Variants in CPOX observed in about 807,000 individuals in gnomAD.
CPOX encodes coproporphyrinogen oxidase.
CPOX carries 24 observed loss-of-function variants against 48.9 expected under a neutral mutation model. That is an observed-to-expected ratio of 0.49 (90% CI 0.36 to 0.69). The LOEUF is 0.69. Ranked by LOEUF, CPOX falls within the 30% of genes least tolerant of loss-of-function variation. The pLI is 0.00. For synonymous variants in CPOX, 249 were observed against 234.6 expected, an observed-to-expected ratio of 1.06 and a Z score of -0.56; for missense variants, 549 against 597.3, an observed-to-expected ratio of 0.92 and a Z score of 0.84.
chr3:98,580,172 A>G lies in CPOX; in HGVS notation c.*511T>C. The G allele has an allele frequency of 4.1e-6, 4 of 984,016 alleles. No individual in the cohort carries two copies. Among genetic ancestry groups the G allele is most frequent in the Non-Finnish European group, 3.6e-6 (3 of 828,102 alleles). The allele number at this position is 984,016 out of a possible 1,614,324, so 61.0% of individuals were successfully genotyped here. Reference sequence around the variant, plus strand: ...TATTTGACAATATTATGTTCTCTGGAGAAAGATATATAAGGATTACAGCAG... The same window carrying G: ...TATTTGACAATATTATGTTCTCTGGGGAAAGATATATAAGGATTACAGCAG... On this transcript the variant is annotated 3_prime_UTR_variant, in exon 7 of 7. Transcript: ENST00000647941.
intron 6 of CPOX, among the ~76,000 whole-genome samples, 181 bp downstream of exon 6, chr3:98,581,226 T>C (rs968646043): frequency 3.9e-5 from 6 of 152,130 alleles, no homozygotes; most frequent in Admixed American, 3.9e-4. Context: ...GGATTCACCA[T>C]GTCACCGCTT....
chr3:98,575,514 C>T (rs1483389848), downstream of CPOX, among the ~76,000 whole-genome samples: 3 of 152,174 alleles, frequency 2.0e-5, no homozygotes, highest in African/African-American at 4.8e-5. Context: ...ACTTGTAGGC[C>T]GGGCACCGTG....
intron 3 of CPOX, 44 bp downstream of exon 3, chr3:98,590,588 A>C: frequency 7.6e-7 from 1 of 1,317,004 alleles, no homozygotes; most frequent in South Asian, 1.2e-5. Flanking sequence ...TTTAAAATGC[A>C]CATTTTGCAC....
At chr3:98,578,188 T>G (rs1009026089), downstream of CPOX, 4 of 802,780 alleles carry the variant, frequency 5.0e-6, no homozygotes, top group South Asian at 2.3e-4. Context: ...TGAATAACAG[T>G]AGGATAATCT....
chr3:98,574,449 G>A (rs1279205667), downstream of CPOX, among the ~76,000 whole-genome samples: 1 of 152,170 alleles, frequency 6.6e-6, no homozygotes, highest in East Asian at 1.9e-4. Flanking sequence ...AAAGATGAAA[G>A]TAGGTCCTTA....
At chr3:98,580,955 A>T (rs1707247882) in intron 6 of CPOX, among the ~76,000 whole-genome samples, 185 bp from the exon 7 acceptor site, 1 of 152,070 alleles carries the variant, frequency 6.6e-6, no homozygotes, top group African/African-American at 2.4e-5. Context: ...TTGCCAAACA[A>T]ATAGTTTCTT....
chr3:98,593,501 C>T lies in CPOX; in HGVS notation c.4G>A (p.Ala2Thr). The T allele has an allele frequency of 6.6e-7, 1 of 1,521,664 alleles. No homozygotes were observed. The highest frequency in any genetic ancestry group is 8.8e-7 in the Non-Finnish European group (1 of 1,141,166). 94.3% of individuals were successfully genotyped at this position (1,521,664 alleles called of 1,614,324 possible). A position where few individuals can be genotyped will look rare whatever the true frequency, so the allele number is the denominator to read the frequency against. The change falls in exon 1 of 7, where the codon GCC (alanine) becomes ACC (threonine). Residue 2 changes from alanine (A) to threonine (T), a missense_variant. Physicochemically the swap from Ala to Thr is moderately conservative, Grantham distance 58. Transcript: ENST00000647941. The stretch of plus-strand genomic sequence containing the variant: ...GAGCTCAGCCTGCCCAGCTGCAAGG[C>T]CATGTTCCCGCACTATCACCTGGAG... Reference protein sequence around the residue: MALQLGRLSSGP... With the variant: MTLQLGRLSSGP...
At chr3:98,590,384 G>A (rs185826751) in intron 3 of CPOX, 1 of 497,908 alleles carries the variant, frequency 2.0e-6, no homozygotes, top group Non-Finnish European at 3.7e-6. Flanking sequence ...CCTAACCTCA[G>A]GTGATCTGCC....
chr3:98,581,233 G>A (rs979918656), intron 6 of CPOX, among the ~76,000 whole-genome samples, 174 bp downstream of exon 6: 11 of 151,924 alleles, frequency 7.2e-5, no homozygotes, highest in Non-Finnish European at 1.0e-4. Flanking sequence ...CCATGTCACC[G>A]CTTAAAATAC....
In CPOX at chr3:98,580,127, C is replaced by A. The variant is rs1707225411; in HGVS notation, c.*556G>T. 2.1e-6 allele frequency: 2 copies of A among 972,616 alleles called. No homozygotes were observed. The highest frequency in any genetic ancestry group is 1.8e-5 in the African/African-American group (1 of 56,814). The allele number at this position is 972,616 out of a possible 1,614,324, so 60.2% of individuals were successfully genotyped here. A position where few individuals can be genotyped will look rare whatever the true frequency, so the allele number is the denominator to read the frequency against. On this transcript the variant is annotated 3_prime_UTR_variant, in exon 7 of 7. Coordinates refer to ENST00000647941, the MANE Select transcript of CPOX (RefSeq NM_000097.7). ...GATTATTTCAAGTGCTTCTAAATAC[C>A]TATTAGAAAAATGTGTATCTATTTG...
At chr3:98,584,720 A>G (rs1322948659) in intron 5 of CPOX, among the ~76,000 whole-genome samples, 1 of 152,226 alleles carries the variant, frequency 6.6e-6, no homozygotes, top group Non-Finnish European at 1.5e-5. Context: ...GTGGATTTAC[A>G]AGTACACCGT....
At position 98,593,310 on chromosome 3, in the gene CPOX, G is replaced by A. The variant is rs1297358773; in HGVS notation, c.195C>T (p.Gly65=). Reference sequence around the variant, plus strand: ...CCCAGGGGCCGCCTCTCGACGTCGAGCCGTGCCCCAGCCCGCGGCTCTGCT... The same window carrying A: ...CCCAGGGGCCGCCTCTCGACGTCGAACCGTGCCCCAGCCCGCGGCTCTGCT... The part of the protein sequence containing the change: ...GTEQSRGLGH[G]STSRGGPWVG... The change falls in exon 1 of 7, where the codon GGC becomes GGT. Residue 65 remains glycine, a synonymous_variant. Coordinates refer to ENST00000647941, the MANE Select transcript of CPOX (RefSeq NM_000097.7). The A allele has an allele frequency of 1.5e-5, 21 of 1,438,118 alleles. No homozygotes were observed. Among genetic ancestry groups the A allele is most frequent in the Non-Finnish European group, 1.8e-5 (20 of 1,104,148 alleles). 89.1% of individuals were successfully genotyped at this position (1,438,118 alleles called of 1,614,324 possible).
intron 5 of CPOX, among the ~76,000 whole-genome samples, chr3:98,585,117 C>T (rs1396458407): frequency 1.3e-5 from 2 of 152,118 alleles, no homozygotes; most frequent in Admixed American, 6.5e-5. Flanking sequence ...ATTTACAAAG[C>T]AGCAAAGACA....
chr3:98,576,263 G>C (rs1013901281), downstream of CPOX, among the ~76,000 whole-genome samples: 6 of 152,182 alleles, frequency 3.9e-5, no homozygotes, highest in East Asian at 9.6e-4. Context: ...AGGCAAAAGG[G>C]AAGCAAGGCA....
downstream of CPOX, among the ~76,000 whole-genome samples, chr3:98,579,228 C>T (rs1185405487): frequency 6.6e-6 from 1 of 152,128 alleles, no homozygotes; most frequent in East Asian, 1.9e-4. Flanking sequence ...TAACATAAAA[C>T]ATGTGCGAAT....
At chr3:98,581,661 G>A in intron 5 of CPOX, 150 bp from the exon 6 acceptor site, 2 of 646,630 alleles carry the variant, frequency 3.1e-6, no homozygotes, top group Non-Finnish European at 2.8e-6. Flanking sequence ...AGCCCATTGA[G>A]AGCTCTCCAT....
intron 5 of CPOX, among the ~76,000 whole-genome samples, chr3:98,584,655 G>A (rs1446456692): frequency 6.6e-6 from 1 of 152,100 alleles, no homozygotes; most frequent in Non-Finnish European, 1.5e-5. Context: ...TAGTATACAG[G>A]CATTTAAGGT....
rs202025436 is a variant in CPOX at position 98,580,681 on chromosome 3, C to T, written c.*2G>A. On this transcript the variant is annotated 3_prime_UTR_variant, in exon 7 of 7. Coordinates refer to ENST00000647941, the MANE Select transcript of CPOX (RefSeq NM_000097.7). The stretch of plus-strand genomic sequence containing the variant: ...AACCCCTGCACAGCCATTCTGCCTG[C>T]ATCAACGCACCCAGTCCCTTGGATG... 1 of 1,614,204 alleles carries T rather than the reference C, an allele frequency of 6.2e-7. No individual in the cohort carries two copies. The highest frequency in any genetic ancestry group is 2.2e-5 in the East Asian group (1 of 44,888).
At chr3:98,587,579 A>G (rs1707388455) in intron 4 of CPOX, among the ~76,000 whole-genome samples, 1 of 150,406 alleles carries the variant, frequency 6.6e-6, no homozygotes, top group Non-Finnish European at 1.5e-5. Flanking sequence ...CTCTTCTTAT[A>G]AAGCCACCAG....
Sources: allele counts gnomAD v4.1 joint callset (sites outside exome capture counted in the v4.1 genomes callset), GRCh38; gene constraint gnomAD v4.1.1; transcripts MANE v1.5; gene names NCBI Gene and HGNC (gene_info 2026-07-23, HGNC 2026-07-21).